ZBTB20: variants seen among roughly 807,000 people sequenced by gnomAD.
ZBTB20 encodes the protein zinc finger and BTB domain-containing protein 20.
ZBTB20 carries 9 observed loss-of-function variants against 56.9 expected under a neutral mutation model. That is an observed-to-expected ratio of 0.16 (90% CI 0.10 to 0.28). The LOEUF (loss-of-function observed/expected upper bound fraction) is 0.28, where lower values mean the gene tolerates loss of function less well. Ranked by LOEUF, ZBTB20 falls within the 10% of genes least tolerant of loss-of-function variation. The pLI is 1.00. For synonymous variants in ZBTB20, 417 were observed against 420.7 expected, an observed-to-expected ratio of 0.99 and a Z score of 0.11; for missense variants, 655 against 1,003.0, an observed-to-expected ratio of 0.65 and a Z score of 4.69.
At chr3:114,614,221 C>T (rs1228264255) in intron 6 of ZBTB20, among the ~76,000 whole-genome samples, 1 of 152,106 alleles carries the variant, frequency 6.6e-6, no homozygotes, top group Non-Finnish European at 1.5e-5. Context: ...GATATTCTTA[C>T]CAGAGCAGTA....
intron 7 of ZBTB20, among the ~76,000 whole-genome samples, chr3:114,409,392 A>C (rs2087702916): frequency 6.6e-6 from 1 of 151,972 alleles, no homozygotes; most frequent in Non-Finnish European, 1.5e-5. Context: ...AAAAATAGCC[A>C]ATCGATTTTG....
At chr3:114,963,625 A>G (rs527943324) in intron 3 of ZBTB20, among the ~76,000 whole-genome samples, 1 of 152,324 alleles carries the variant, frequency 6.6e-6, no homozygotes, top group African/African-American at 2.4e-5. Flanking sequence ...CAAACTAAGT[A>G]CAATAATCAA....
chr3:114,874,038 C>T (rs1170711909), intron 4 of ZBTB20: 1 of 152,146 alleles, frequency 6.6e-6, no homozygotes, highest in Admixed American at 6.5e-5. Context: ...AGCACTCTTA[C>T]CATTATTTGG....
chr3:114,805,888 T>C (rs2108857818), intron 4 of ZBTB20, among the ~76,000 whole-genome samples: 1 of 151,972 alleles, frequency 6.6e-6, no homozygotes, highest in South Asian at 2.1e-4. Context: ...TCATAATTCA[T>C]TTTTAAGATT....
chr3:114,919,942 TC>T (rs1291669584), intron 3 of ZBTB20, among the ~76,000 whole-genome samples: 4 of 152,128 alleles, frequency 2.6e-5, no homozygotes, highest in Non-Finnish European at 4.4e-5. Context: ...GATATTCCAT[TC>T]AAATGATAAC....
At chr3:114,429,741 A>C (rs1354033264) in intron 7 of ZBTB20, among the ~76,000 whole-genome samples, 2 of 152,234 alleles carry the variant, frequency 1.3e-5, no homozygotes, top group African/African-American at 4.8e-5. Flanking sequence ...TACCACAATG[A>C]AAAATAACAC....
intron 6 of ZBTB20, among the ~76,000 whole-genome samples, chr3:114,553,325 A>G (rs935401276): frequency 2.6e-5 from 4 of 152,196 alleles, no homozygotes; most frequent in African/African-American, 7.2e-5. Flanking sequence ...TTTTGTAGAA[A>G]AAATATAATA....
At chr3:114,903,801 T>C (rs1576283378) in intron 3 of ZBTB20, among the ~76,000 whole-genome samples, 1 of 152,014 alleles carries the variant, frequency 6.6e-6, no homozygotes, top group South Asian at 2.1e-4. Flanking sequence ...CAATCACATG[T>C]AGGCACTTAT....
intron 6 of ZBTB20, among the ~76,000 whole-genome samples, chr3:114,575,269 A>C (rs1342166926): frequency 6.6e-6 from 1 of 152,206 alleles, no homozygotes; most frequent in African/African-American, 2.4e-5. Context: ...ATCATGCCAC[A>C]TAGAAGGCTT....
In ZBTB20 at chr3:114,433,353, A is replaced by T. The variant is rs573532176; in HGVS notation, c.-254-44248T>A. On this transcript the variant is annotated intron_variant, in intron 7 of 11. Coordinates refer to ENST00000675478, the MANE Select transcript of ZBTB20 (RefSeq NM_001348800.3). ...GACAGGAGTGGGACACCTCTACTTT[A>T]TTCTATACTTTTAATAAATACATCA... 2.6e-5 allele frequency among the ~76,000 whole-genome samples: 4 copies of T among 152,308 alleles called. 1 individual carries two copies. Among genetic ancestry groups the T allele is most frequent in the African/African-American group, 9.6e-5 (4 of 41,576 alleles).
At chr3:114,472,522 C>T (rs1243984633) in intron 7 of ZBTB20, among the ~76,000 whole-genome samples, 1 of 152,110 alleles carries the variant, frequency 6.6e-6, no homozygotes, top group Non-Finnish European at 1.5e-5. Context: ...TCAGCCTGAC[C>T]AACTTGGTGA....
At chr3:114,569,064 T>A (rs1189006867) in intron 6 of ZBTB20, among the ~76,000 whole-genome samples, 2 of 152,218 alleles carry the variant, frequency 1.3e-5, no homozygotes, top group African/African-American at 4.8e-5. Context: ...TTCCCTTTAG[T>A]TCCAGCTACA....
intron 4 of ZBTB20, among the ~76,000 whole-genome samples, chr3:114,837,730 C>T (rs549463876): frequency 6.6e-6 from 1 of 152,098 alleles, no homozygotes; most frequent in South Asian, 2.1e-4. Context: ...TCACTTCTGT[C>T]CTTTATTAAA....
chr3:114,990,968 T>G (rs988983418), intron 2 of ZBTB20, among the ~76,000 whole-genome samples: 1 of 152,186 alleles, frequency 6.6e-6, no homozygotes, highest in Non-Finnish European at 1.5e-5. Context: ...TTATCATTTT[T>G]TATTGCGTCT....
intron 2 of ZBTB20, among the ~76,000 whole-genome samples, chr3:115,013,932 G>GTGTA (rs1038804954): frequency 3.3e-5 from 5 of 151,130 alleles, no homozygotes; most frequent in African/African-American, 9.7e-5. Context: ...GTGTGTGTGT[G>GTGTA]TACACTAAAA....
intron 5 of ZBTB20, among the ~76,000 whole-genome samples, chr3:114,773,024 C>T (rs1262805385): frequency 2.6e-5 from 4 of 152,114 alleles, no homozygotes; most frequent in East Asian, 1.9e-4. Context: ...ATTCAAGGTG[C>T]TGCTGCTGGC....
At chr3:114,981,127 C>T (rs757971248) in intron 2 of ZBTB20, among the ~76,000 whole-genome samples, 11 of 151,854 alleles carry the variant, frequency 7.2e-5, no homozygotes, top group Non-Finnish European at 1.0e-4. Context: ...CATATGATCA[C>T]GAAATTTTGT....
chr3:114,446,376 T>A (rs2091272215), intron 7 of ZBTB20, among the ~76,000 whole-genome samples: 1 of 152,162 alleles, frequency 6.6e-6, no homozygotes, highest in Admixed American at 6.6e-5. Flanking sequence ...ATTCTCATCA[T>A]GCCAGAAATG....
At chr3:114,810,546 G>T (rs2072444433) in intron 4 of ZBTB20, among the ~76,000 whole-genome samples, 1 of 152,148 alleles carries the variant, frequency 6.6e-6, no homozygotes, top group South Asian at 2.1e-4. Context: ...TGTGGGGACG[G>T]ATAATAGGAG....
Sources: gnomAD v4.1 joint callset for allele counts (sites outside exome capture counted in the v4.1 genomes callset) on GRCh38, gnomAD v4.1.1 for gene constraint, MANE v1.5 for transcripts, NCBI Gene and HGNC (gene_info 2026-07-23, HGNC 2026-07-21) for gene names.